MGA: variants seen among roughly 807,000 people sequenced by gnomAD.
The protein encoded by MGA is MAX gene-associated protein.
MGA carries 40 observed loss-of-function variants against 261.1 expected under a neutral mutation model. The ratio of observed to expected loss-of-function variants is 0.15; its 90% CI spans 0.12 to 0.20. The LOEUF is 0.20. Among genes scored for constraint, MGA ranks in the 10% least tolerant of loss-of-function variants. The pLI, the probability that MGA is intolerant of heterozygous loss-of-function variation, is 1.00. For missense variants in MGA, 3,397 were observed against 3,630.5 expected (o/e 0.94, Z 1.65); for synonymous variants, 1,302 against 1,290.6 (o/e 1.01, Z -0.19).
At chr15:41,738,332 TTGCAGTGA>T (rs2061902939) in intron 13 of MGA, among the ~76,000 whole-genome samples, 4 of 152,092 alleles carry the variant, frequency 2.6e-5, no homozygotes, top group African/African-American at 9.7e-5. Context: ...GAGGCAGAGG[TTGCAGTGA>T]GCCGAGATCA....
At chr15:41,754,711 G>A in intron 18 of MGA, 144 bp downstream of exon 18, 1 of 932,292 alleles carries the variant, frequency 1.1e-6, no homozygotes, top group Non-Finnish European at 1.5e-6. Context: ...ATGAGGAGAG[G>A]AACTAGAATT....
intron 1 of MGA, among the ~76,000 whole-genome samples, chr15:41,628,969 C>G (rs1323211577): frequency 6.6e-6 from 1 of 151,952 alleles, no homozygotes; most frequent in African/African-American, 2.4e-5. Context: ...GAAACCCTGT[C>G]TCTACTAAAA....
intron 1 of MGA, among the ~76,000 whole-genome samples, chr15:41,635,586 C>T (rs137940322): frequency 2.0e-5 from 3 of 151,178 alleles, no homozygotes; most frequent in East Asian, 4.0e-4. Flanking sequence ...GGCCCAGGTA[C>T]GTGGGAGGCT....
chr15:41,677,074 T>A (rs1219598796), intron 2 of MGA, among the ~76,000 whole-genome samples: 1 of 152,256 alleles, frequency 6.6e-6, no homozygotes, highest in Non-Finnish European at 1.5e-5. Context: ...TTTGGCCTTA[T>A]CTCATTTATC....
In MGA at chr15:41,767,237, A is replaced by C. The variant is rs2063844827; in HGVS notation, c.9155A>C (p.Lys3052Thr). 4 of 1,613,572 alleles carry C rather than the reference A, an allele frequency of 2.5e-6. No homozygotes were observed. Among genetic ancestry groups the C allele is most frequent in the Non-Finnish European group, 3.4e-6 (4 of 1,179,682 alleles). ...CCTACATTGGCACCTGTTGTGGCTA[A>C]ATTGGGCAACTCGGGGGCCTCACCA... Residue 3052 changes from lysine (K) to threonine (T), a missense_variant, in exon 24 of 24, where the codon AAA (lysine) becomes ACA (threonine). Physicochemically the swap from Lys to Thr is moderately conservative, Grantham distance 78. Around this residue, in one of 9 missense-constraint regions of MGA, gnomAD observed 647 missense variants for 642.4 expected, o/e 1.01. Transcript: ENST00000219905.
chr15:41,682,493 T>A (rs2058736177), intron 2 of MGA, among the ~76,000 whole-genome samples: 1 of 152,090 alleles, frequency 6.6e-6, no homozygotes. Flanking sequence ...ATTTATTTAT[T>A]TTTTTGAGAT....
chr15:41,670,842 C>T (rs2058019793), intron 2 of MGA, among the ~76,000 whole-genome samples: 1 of 151,114 alleles, frequency 6.6e-6, no homozygotes, highest in Admixed American at 6.6e-5. Flanking sequence ...TAATTTTAAG[C>T]TTCTTCTTTG....
chr15:41,696,450 A>C lies in MGA; in HGVS notation c.1440A>C (p.Thr480=), dbSNP rs965527219. The C allele has an allele frequency of 1.9e-6, 3 of 1,614,038 alleles. No individual in the cohort carries two copies. The African/African-American group carries it at 4.0e-5, about 21-fold the overall frequency. ...AGCCCTGTGCTGTCACCAGAAGCACAGTTAAGATTTCTGAACTCCCCGATA... is the reference window on the plus strand; with the variant it reads ...AGCCCTGTGCTGTCACCAGAAGCACCGTTAAGATTTCTGAACTCCCCGATA... Residue 480 remains threonine (T), a synonymous_variant, in exon 3 of 24, where the codon ACA becomes ACC. Coordinates refer to ENST00000219905, the MANE Select transcript of MGA (RefSeq NM_001164273.2).
At chr15:41,631,979 A>C (rs2056598899) in intron 1 of MGA, among the ~76,000 whole-genome samples, 1 of 152,106 alleles carries the variant, frequency 6.6e-6, no homozygotes, top group South Asian at 2.1e-4. Context: ...TGATCATATT[A>C]CTCTCAATAA....
chr15:41,678,531 T>C (rs1264733887), intron 2 of MGA, among the ~76,000 whole-genome samples: 2 of 150,386 alleles, frequency 1.3e-5, no homozygotes, highest in Non-Finnish European at 1.5e-5. Flanking sequence ...TTTGGGAGGC[T>C]GAGGCGGGCG....
Position 41,696,083 on chromosome 15 carries a change from C to A in MGA, c.1073C>A (p.Ala358Asp), listed in dbSNP as rs752784598. ...CTCCTCTCTCTCTCCAGTCTTATTGCCAGCAGTTTTGAAGATGACTCCCGT... is the reference window on the plus strand; with the variant it reads ...CTCCTCTCTCTCTCCAGTCTTATTGACAGCAGTTTTGAAGATGACTCCCGT... Residue 358 changes from alanine (A) to aspartate (D), a missense_variant, in exon 3 of 24, where the codon GCC becomes GAC. Transcript: ENST00000219905. The A allele has an allele frequency of 3.6e-5, 57 of 1,605,004 alleles. No individual in the cohort carries two copies. The South Asian group carries it at 6.3e-4, about 18-fold the overall frequency.
intron 20 of MGA, 123 bp downstream of exon 20, chr15:41,760,652 A>C (rs962870262): frequency 1.1e-6 from 1 of 891,776 alleles, no homozygotes; most frequent in East Asian, 2.6e-5. Context: ...GTAACAGATG[A>C]ATATGGACTA....
At chr15:41,688,212 A>G (rs1157888957) in intron 2 of MGA, among the ~76,000 whole-genome samples, 1 of 152,050 alleles carries the variant, frequency 6.6e-6, no homozygotes, top group Non-Finnish European at 1.5e-5. Flanking sequence ...AGTAGCTGTG[A>G]TTACTGGCAC....
intron 2 of MGA, among the ~76,000 whole-genome samples, chr15:41,694,808 G>A (rs547696604): frequency 6.6e-5 from 10 of 152,214 alleles, no homozygotes; most frequent in African/African-American, 1.2e-4. Context: ...CACTGCGCCC[G>A]GCTCCAGGGT....
At chr15:41,759,193 G>A (rs945554610) in intron 19 of MGA, among the ~76,000 whole-genome samples, 1 of 152,108 alleles carries the variant, frequency 6.6e-6, no homozygotes, top group Non-Finnish European at 1.5e-5. Flanking sequence ...AAGTAGTGAT[G>A]TAACTATATT....
chr15:41,693,781 T>C (rs1659625517), intron 2 of MGA, among the ~76,000 whole-genome samples: 1 of 152,190 alleles, frequency 6.6e-6, no homozygotes, highest in African/African-American at 2.4e-5. Flanking sequence ...TATACTTTTT[T>C]CTTTAGTTTC....
chr15:41,718,471 G>T lies in MGA; in HGVS notation c.3430+4975G>T, dbSNP rs186045665. 17 of 766,186 alleles carry T rather than the reference G, an allele frequency of 2.2e-5. 1 individual carries two copies. The African/African-American group carries it at 2.4e-4, about 11-fold the overall frequency. 47.5% of individuals were successfully genotyped at this position (766,186 alleles called of 1,614,324 possible). Reference sequence around the variant, plus strand: ...ATAGCTTTGATTTTTCGTACAATTTGTGAGTCCACAGCTTTCTGATCAATC... The same window carrying T: ...ATAGCTTTGATTTTTCGTACAATTTTTGAGTCCACAGCTTTCTGATCAATC... On this transcript the variant is annotated intron_variant, in intron 9 of 23. Coordinates refer to ENST00000219905, the MANE Select transcript of MGA (RefSeq NM_001164273.2).
At chr15:41,693,315 C>G (rs1256274528) in intron 2 of MGA, among the ~76,000 whole-genome samples, 2 of 124,536 alleles carry the variant, frequency 1.6e-5, no homozygotes, top group African/African-American at 6.1e-5. Context: ...CCCCTCCCCC[C>G]ACCCCACAAC....
At chr15:41,728,067 C>A (rs190609641) in intron 10 of MGA, among the ~76,000 whole-genome samples, 1 of 151,874 alleles carries the variant, frequency 6.6e-6, no homozygotes, top group Non-Finnish European at 1.5e-5. Flanking sequence ...CGGTGGCTCA[C>A]GCTTGTAATC....
Sources: allele counts gnomAD v4.1 joint callset (sites outside exome capture counted in the v4.1 genomes callset), GRCh38; gene constraint gnomAD v4.1.1; regional missense constraint gnomAD v4.1.1; transcripts MANE v1.5; gene names NCBI Gene and HGNC (gene_info 2026-07-23, HGNC 2026-07-21).